Variants in DAAM2 observed in about 807,000 individuals in gnomAD.
DAAM2 encodes disheveled-associated activator of morphogenesis 2.
In DAAM2, 39 loss-of-function variants were observed where a neutral mutation model predicts 120.7. That is an observed-to-expected ratio of 0.32 (90% CI 0.25 to 0.42). DAAM2 has a LOEUF of 0.42. Among genes scored for constraint, DAAM2 ranks in the 10% least tolerant of loss-of-function variants. The probability of loss-of-function intolerance (pLI) is 1.00; values close to 1 mark genes in which losing one functional copy is unlikely to be tolerated. For missense variants in DAAM2, 1,283 were observed against 1,401.7 expected, an observed-to-expected ratio of 0.92 and a Z score of 1.35; for synonymous variants, 488 against 524.9, an observed-to-expected ratio of 0.93 and a Z score of 0.96.
At chr6:39,892,377 G>A (rs28392990) in intron 19 of DAAM2, among the ~76,000 whole-genome samples, 16,606 of 152,190 alleles carry the variant, frequency 0.11, 1,404 homozygotes, top group East Asian at 0.38. Flanking sequence ...AAGTAGGGCT[G>A]TGTTAATGTC....
chr6:39,842,468 C>T (rs553883855), intron 1 of DAAM2, among the ~76,000 whole-genome samples: 6 of 152,132 alleles, frequency 3.9e-5, no homozygotes, highest in African/African-American at 1.2e-4. Context: ...CCCGTCTCTA[C>T]TAAAAATATA....
In DAAM2 at chr6:39,845,810, ATCTCGTCTGCC is replaced by A. The variant is rs1396667583; in HGVS notation, c.-56-10433_-56-10423del. ...GCTCCCATTCCTAGTCCTCTTTGCC[ATCTCGTCTGCC>A]TCTAATAAATTTCTGGAGTGTGACC... On this transcript the variant is annotated intron_variant, in intron 1 of 24. Transcript: ENST00000274867. Among the ~76,000 whole-genome samples, 4 of 150,688 alleles carry A rather than the reference ATCTCGTCTGCC, an allele frequency of 2.7e-5. No individual in the cohort carries two copies. In the East Asian group the frequency reaches 7.8e-4, roughly 29 times the overall value.
intron 1 of DAAM2, among the ~76,000 whole-genome samples, chr6:39,840,955 C>G (rs928211712): frequency 7.9e-6 from 1 of 127,208 alleles, no homozygotes; most frequent in Admixed American, 8.8e-5. Context: ...CTAGGTGTTC[C>G]GGCTGAGGTT....
At chr6:39,891,749 A>G (rs1765734155) in intron 19 of DAAM2, 27 bp downstream of exon 19, 1 of 1,555,356 alleles carries the variant, frequency 6.4e-7, no homozygotes, top group Non-Finnish European at 8.7e-7. Flanking sequence ...CAGGAGGCTT[A>G]GAGTGGAGAG....
chr6:39,868,486 T>C (rs1764518782), intron 6 of DAAM2: 1 of 298,360 alleles, frequency 3.4e-6, no homozygotes, highest in Non-Finnish European at 6.3e-6. Context: ...GCAGTGTCCA[T>C]ACCATAAATG....
chr6:39,854,266 A>G (rs765435764), intron 1 of DAAM2, among the ~76,000 whole-genome samples: 45 of 152,066 alleles, frequency 3.0e-4, no homozygotes, highest in Non-Finnish European at 7.4e-5. Flanking sequence ...CTCCTTTTCC[A>G]TGAGAATAGG....
intron 1 of DAAM2, chr6:39,821,460 G>A (rs1309422266): frequency 2.6e-5 from 4 of 152,288 alleles, no homozygotes; most frequent in African/African-American, 9.6e-5. Flanking sequence ...TTGGAAAATA[G>A]CTGGATAAAC....
chr6:39,817,723 C>T (rs917872759), intron 1 of DAAM2, among the ~76,000 whole-genome samples: 17 of 152,144 alleles, frequency 1.1e-4, no homozygotes, highest in African/African-American at 3.9e-4. Context: ...TGTTGCAGCT[C>T]AAGACTGAAG....
rs549317352 is a variant in DAAM2 at position 39,872,916 on chromosome 6, G to T, written c.1045-322G>T. Among the ~76,000 whole-genome samples the T allele has an allele frequency of 2.6e-5, 4 of 152,296 alleles. No individual in the cohort carries two copies. In the South Asian group the frequency reaches 8.3e-4, roughly 32 times the overall value. ...CATTTGCAATGTCTGGGGACATTTTGACTTGTGTGAGGGGGTGCCACTGGC... is the reference window on the plus strand; with the variant it reads ...CATTTGCAATGTCTGGGGACATTTTTACTTGTGTGAGGGGGTGCCACTGGC... On this transcript the variant is annotated intron_variant, in intron 9 of 24. Coordinates refer to ENST00000274867, the MANE Select transcript of DAAM2 (RefSeq NM_001201427.2).
intron 17 of DAAM2, among the ~76,000 whole-genome samples, chr6:39,889,965 T>C (rs1355271584): frequency 6.6e-6 from 1 of 152,000 alleles, no homozygotes; most frequent in East Asian, 1.9e-4. Context: ...CCATCTTTAC[T>C]AAAAATACAA....
chr6:39,869,058 G>A, intron 7 of DAAM2, 125 bp downstream of exon 7: 1 of 712,782 alleles, frequency 1.4e-6, no homozygotes, highest in Non-Finnish European at 2.5e-6. Context: ...CTGGGGAGTT[G>A]CCTACATAGG....
chr6:39,847,530 C>T (rs1192968222), intron 1 of DAAM2, among the ~76,000 whole-genome samples: 9 of 152,010 alleles, frequency 5.9e-5, no homozygotes, highest in Admixed American at 2.0e-4. Context: ...GAGACATGGG[C>T]GCTAAAATTC....
intron 17 of DAAM2, 184 bp from the exon 18 acceptor site, chr6:39,891,157 A>G: frequency 1.8e-6 from 1 of 551,582 alleles, no homozygotes; most frequent in South Asian, 2.7e-5. Flanking sequence ...AGAAAAAAGA[A>G]TTTCAGAGCT....
intron 20 of DAAM2, 51 bp downstream of exon 20, chr6:39,897,031 C>G: frequency 1.3e-6 from 2 of 1,571,098 alleles, no homozygotes; most frequent in Non-Finnish European, 1.7e-6. Flanking sequence ...TCACCCTACC[C>G]TGGCCTCTCA....
In DAAM2 at chr6:39,886,676, G is replaced by A. The variant is rs114008634; in HGVS notation, c.1954-810G>A. 1.5e-3 allele frequency: 572 copies of A among 386,588 alleles called. 2 individuals carry two copies. Among genetic ancestry groups the A allele is most frequent in the Non-Finnish European group, 2.2e-3 (490 of 218,986 alleles). The allele number at this position is 386,588 out of a possible 1,614,324, so 23.9% of individuals were successfully genotyped here. A position where few individuals can be genotyped will look rare whatever the true frequency, so the allele number is the denominator to read the frequency against. ...TGGAGGTCAATGTCTCCTGGAATGAGGAGAAGGCTTCTAGGTCTACTGTCT... is the reference window on the plus strand; with the variant it reads ...TGGAGGTCAATGTCTCCTGGAATGAAGAGAAGGCTTCTAGGTCTACTGTCT... On this transcript the variant is annotated intron_variant, in intron 15 of 24. Coordinates refer to ENST00000274867, the MANE Select transcript of DAAM2 (RefSeq NM_001201427.2).
chr6:39,857,113 G>A (rs899006350), intron 2 of DAAM2, among the ~76,000 whole-genome samples: 6 of 152,218 alleles, frequency 3.9e-5, no homozygotes, highest in African/African-American at 9.6e-5. Flanking sequence ...TGAGAAGCCC[G>A]TGTGTGTGCA....
intron 1 of DAAM2, among the ~76,000 whole-genome samples, chr6:39,855,306 C>T (rs139176152): frequency 6.6e-6 from 1 of 152,210 alleles, no homozygotes; most frequent in African/African-American, 2.4e-5. Flanking sequence ...ACAGGGGTAG[C>T]GTTCTTTCTC....
At chr6:39,805,566 T>C (rs941801426) in intron 1 of DAAM2, among the ~76,000 whole-genome samples, 4 of 151,748 alleles carry the variant, frequency 2.6e-5, no homozygotes, top group Non-Finnish European at 5.9e-5. Context: ...TATTTTTTTT[T>C]TTTTTTGAGA....
chr6:39,797,927 T>C (rs1014939015), intron 1 of DAAM2, among the ~76,000 whole-genome samples: 19 of 152,254 alleles, frequency 1.2e-4, no homozygotes, highest in Non-Finnish European at 1.8e-4. Flanking sequence ...ACCCAGCTTG[T>C]CATCTTGTTT....
Sources: allele counts gnomAD v4.1 joint callset (sites outside exome capture counted in the v4.1 genomes callset), GRCh38; gene constraint gnomAD v4.1.1; transcripts MANE v1.5; gene names NCBI Gene and HGNC (gene_info 2026-07-23, HGNC 2026-07-21).